GNA15: variants seen among roughly 807,000 people sequenced by gnomAD.
The protein encoded by GNA15 is G protein subunit alpha 15.
GNA15 carries 23 observed loss-of-function variants against 40.1 expected under a neutral mutation model. The ratio of observed to expected loss-of-function variants is 0.57; its 90% confidence interval spans 0.41 to 0.81. GNA15 has a LOEUF of 0.81. Ranked by LOEUF, GNA15 falls within the 40% of genes least tolerant of loss-of-function variation. The pLI is 0.00. For missense variants in GNA15, 522 were observed against 515.8 expected, an observed-to-expected ratio of 1.01 and a Z score of -0.12; for synonymous variants, 226 against 210.4, an observed-to-expected ratio of 1.07 and a Z score of -0.64.
chr19:3,157,434 A>T (rs1915054650), intron 5 of GNA15, among the ~76,000 whole-genome samples: 1 of 152,222 alleles, frequency 6.6e-6, no homozygotes, highest in Non-Finnish European at 1.5e-5. Context: ...TAACCCCAGC[A>T]CGCTGGGAGG....
intron 1 of GNA15, among the ~76,000 whole-genome samples, chr19:3,145,556 T>G (rs966708471): frequency 4.7e-4 from 47 of 99,264 alleles, no homozygotes; most frequent in African/African-American, 1.8e-3. Flanking sequence ...CTTTTTTTAT[T>G]TTTTTATTTT....
At chr19:3,148,097 GT>G (rs891148337) in intron 1 of GNA15, among the ~76,000 whole-genome samples, 6 of 149,526 alleles carry the variant, frequency 4.0e-5, no homozygotes, top group African/African-American at 9.9e-5. Context: ...TGTTTGTTTT[GT>G]TTTTTTTTGA....
chr19:3,157,724 A>G lies in GNA15; in HGVS notation c.745-4A>G, dbSNP rs776967462. Reference sequence around the variant, plus strand: ...GCACTAACCTGCTTCTGCCCCCAACACAGAACCGCATGAAGGAGAGCCTCG... The same window carrying G: ...GCACTAACCTGCTTCTGCCCCCAACGCAGAACCGCATGAAGGAGAGCCTCG... On this transcript the variant is annotated splice_polypyrimidine_tract_variant and splice_region_variant and intron_variant, in intron 5 of 6. Coordinates refer to ENST00000262958, the MANE Select transcript of GNA15 (RefSeq NM_002068.4). 61 of 1,613,376 alleles carry G rather than the reference A, an allele frequency of 3.8e-5. 1 individual carries two copies.
At chr19:3,159,624 T>G (rs1915102082) in intron 6 of GNA15, among the ~76,000 whole-genome samples, 1 of 152,230 alleles carries the variant, frequency 6.6e-6, no homozygotes, top group African/African-American at 2.4e-5. Context: ...ATTACAGGCG[T>G]GAGCCACCAC....
intron 1 of GNA15, among the ~76,000 whole-genome samples, chr19:3,144,755 C>G (rs1031617530): frequency 1.3e-5 from 2 of 151,332 alleles, no homozygotes; most frequent in Non-Finnish European, 2.9e-5. Context: ...GTCTCGATCT[C>G]CTGACCTCGT....
At chr19:3,148,810 G>A in intron 2 of GNA15, 35 bp downstream of exon 2, 1 of 1,551,770 alleles carries the variant, frequency 6.4e-7, no homozygotes, top group Non-Finnish European at 8.7e-7. Context: ...CCCAGGGCAG[G>A]CAGGGGCCCA....
intron 1 of GNA15, among the ~76,000 whole-genome samples, chr19:3,147,910 G>A (rs1442566689): frequency 5.4e-5 from 8 of 148,298 alleles, no homozygotes; most frequent in Non-Finnish European, 7.5e-5. Context: ...AAAAAGAAGA[G>A]AAAAAGAAAA....
intron 5 of GNA15, among the ~76,000 whole-genome samples, chr19:3,156,525 C>G (rs1317721587): frequency 6.6e-6 from 1 of 152,084 alleles, no homozygotes; most frequent in East Asian, 1.9e-4. Flanking sequence ...CACACATGCA[C>G]GCACACGCAC....
At chr19:3,138,921 A>AGCCACC (rs1914516455) in intron 1 of GNA15, among the ~76,000 whole-genome samples, 1 of 135,938 alleles carries the variant, frequency 7.4e-6, no homozygotes, top group Non-Finnish European at 1.5e-5. Flanking sequence ...TACAGGCGTG[A>AGCCACC]GCCACCGCGC....
chr19:3,159,754 T>G (rs577284063), intron 6 of GNA15, among the ~76,000 whole-genome samples: 4 of 152,226 alleles, frequency 2.6e-5, no homozygotes, highest in Non-Finnish European at 5.9e-5. Flanking sequence ...CAGATTTGCA[T>G]AACGTTTCTT....
In GNA15 at chr19:3,136,109, T is replaced by G; in HGVS notation, c.-342T>G. The G allele has an allele frequency of 6.0e-6, 1 of 166,410 alleles. No homozygotes were observed. 10.3% of individuals were successfully genotyped at this position (166,410 alleles called of 1,614,324 possible). A position where few individuals can be genotyped will look rare whatever the true frequency, so the allele number is the denominator to read the frequency against. ...GGGTTTTCCCGCCACCGCCCCGCCC[T>G]CCCTGGGGCCCCCACCTCACCCTCT... On this transcript the variant is annotated 5_prime_UTR_variant, in exon 1 of 7. Coordinates refer to ENST00000262958, the MANE Select transcript of GNA15 (RefSeq NM_002068.4). This position sits in a 1 kb window ranked among gnomAD's most constrained non-coding sequence, Gnocchi z 4.9.
intron 2 of GNA15, 192 bp from the exon 3 acceptor site, chr19:3,149,939 T>TC (rs1371903534): frequency 1.8e-6 from 1 of 549,178 alleles, no homozygotes; most frequent in Non-Finnish European, 3.2e-6. Context: ...TGCTTTTCCC[T>TC]CTGGGGATCC....
chr19:3,136,356 C>T lies in GNA15; in HGVS notation c.-95C>T, dbSNP rs867164143. 1.6e-5 allele frequency: 21 copies of T among 1,319,666 alleles called. No individual in the cohort carries two copies. The highest frequency in any genetic ancestry group is 2.7e-4 in the Middle Eastern group (1 of 3,730). The allele number at this position is 1,319,666 out of a possible 1,614,324, so 81.7% of individuals were successfully genotyped here. A position where few individuals can be genotyped will look rare whatever the true frequency, so the allele number is the denominator to read the frequency against. On this transcript the variant is annotated 5_prime_UTR_variant, in exon 1 of 7. Transcript: ENST00000262958. This position sits in a 1 kb window ranked among gnomAD's most constrained non-coding sequence, Gnocchi z 4.9. ...CAGCCTCCCTGCGCACCCGGTTGCC[C>T]GGAGCCCTCTCCAGGGCCGGCTGGG...
Position 3,150,188 on chromosome 19 carries a change from C to G in GNA15, c.388C>G (p.Arg130Gly), listed in dbSNP as rs371651845. The change falls in exon 3 of 7, where the codon CGC becomes GGC. Residue 130 changes from arginine to glycine, a missense_variant. Arg to Gly is a moderately radical substitution (Grantham distance 125, BLOSUM62 -2). Transcript: ENST00000262958. ...CTATAAAGTGACCACGTTTGAGAAG[C>G]GCTACGCTGCGGCCATGCAGTGGCT... ...DPYKVTTFEK[R>G]YAAAMQWLWR... The G allele has an allele frequency of 1.2e-6, 2 of 1,613,202 alleles. No homozygotes were observed. Among genetic ancestry groups the G allele is most frequent in the African/African-American group, 2.7e-5 (2 of 75,044 alleles).
rs1342332039 is a variant in GNA15 at position 3,151,259 on chromosome 19, G to A, written c.486-448G>A. 1.3e-5 allele frequency among the ~76,000 whole-genome samples: 2 copies of A among 152,034 alleles called. No individual in the cohort carries two copies. The highest frequency in any genetic ancestry group is 1.3e-4 in the Admixed American group (2 of 15,272). On this transcript the variant is annotated intron_variant, in intron 3 of 6. Transcript: ENST00000262958. This position sits in a 1 kb window ranked among gnomAD's most constrained non-coding sequence, Gnocchi z 5.0. ...TTCCTGGGGGGACCCTGTTCCTAAA[G>A]TGACCCTGTTTTAGGGGGGACTCTG...
chr19:3,151,650 T>C lies in GNA15; in HGVS notation c.486-57T>C. The C allele has an allele frequency of 2.0e-6, 3 of 1,503,098 alleles. No individual in the cohort carries two copies. The South Asian group carries it at 4.0e-5, about 20-fold the overall frequency. 93.1% of individuals were successfully genotyped at this position (1,503,098 alleles called of 1,614,324 possible). ...TCCTTGCTGGGCCTTTCGTAGGGCC[T>C]GGGAAGCAAAGGGAGGCTGGCTGCA... On this transcript the variant is annotated intron_variant, in intron 3 of 6. Transcript: ENST00000262958. This position sits in a 1 kb window ranked among gnomAD's most constrained non-coding sequence, Gnocchi z 5.0.
chr19:3,137,811 A>T (rs1045696045), intron 1 of GNA15, among the ~76,000 whole-genome samples: 1 of 151,650 alleles, frequency 6.6e-6, no homozygotes, highest in Non-Finnish European at 1.5e-5. Context: ...AAAACCAAAA[A>T]TTAGCTGGGC....
chr19:3,146,126 C>T (rs147200506), intron 1 of GNA15, among the ~76,000 whole-genome samples: 9 of 152,224 alleles, frequency 5.9e-5, no homozygotes, highest in African/African-American at 1.7e-4. Flanking sequence ...GCCGCTTGCT[C>T]GATCAAGTCC....
In GNA15 at chr19:3,148,713, A is replaced by G; in HGVS notation, c.268A>G (p.Met90Val). The G allele has an allele frequency of 6.2e-7, 1 of 1,603,208 alleles. No homozygotes were observed. The highest frequency in any genetic ancestry group is 8.5e-7 in the Non-Finnish European group (1 of 1,175,428). Residue 90 changes from methionine (M) to valine (V), a missense_variant, in exon 2 of 7, where the codon ATG (methionine) becomes GTG (valine). Transcript: ENST00000262958. ...GGTCTACCAGAACATCTTCGTGTCCATGCGGGCCATGATCGAGGCCATGGA... is the reference window on the plus strand; with the variant it reads ...GGTCTACCAGAACATCTTCGTGTCCGTGCGGGCCATGATCGAGGCCATGGA... ...PLVYQNIFVS[M>V]RAMIEAMERL...
Sources: allele counts gnomAD v4.1 joint callset (sites outside exome capture counted in the v4.1 genomes callset), GRCh38; gene constraint gnomAD v4.1.1; non-coding constraint Gnocchi (gnomAD v3.1); transcripts MANE v1.5; gene names NCBI Gene and HGNC (gene_info 2026-07-23, HGNC 2026-07-21).